Variants in SCYGR7 observed in about 807,000 individuals in gnomAD.
SCYGR7 encodes small cysteine and glycine repeat containing 7.
exon 1 of SCYGR7, chr2:227,728,610 G>A (rs1180513388): frequency 7.5e-6 from 3 of 399,052 alleles, no homozygotes; most frequent in Non-Finnish European, 1.3e-5. Flanking sequence ...GCTGCCAGAA[G>A]CAATGCTGCT....
exon 1 of SCYGR7, chr2:227,728,355 A>T: frequency 9.9e-6 from 4 of 403,052 alleles, no homozygotes; most frequent in Non-Finnish European, 1.7e-5. Context: ...GTGGTTGTGG[A>T]AGTTGTGGTG....
chr2:227,728,509 T>C (rs964301523), exon 1 of SCYGR7: 3 of 399,308 alleles, frequency 7.5e-6, no homozygotes, highest in Non-Finnish European at 1.3e-5. Context: ...CTGTGGGGGC[T>C]GCTGCAGCAC....
At position 227,728,380 on chromosome 2, in the gene SCYGR7, TGTGGTGGCTGCG is replaced by T. The variant is rs532364109; in HGVS notation, c.81_92del (p.Gly29_Gly32del). The T allele has an allele frequency of 3.4e-3, 1,389 of 403,098 alleles. 4 individuals carry two copies. Among genetic ancestry groups the T allele is most frequent in the Admixed American group, 5.2e-3 (118 of 22,590 alleles). 25.0% of individuals were successfully genotyped at this position (403,098 alleles called of 1,614,324 possible). A position where few individuals can be genotyped will look rare whatever the true frequency, so the allele number is the denominator to read the frequency against. On this transcript the variant is annotated inframe_deletion, in exon 1 of 1. Transcript: ENST00000641700. ...AAGTTGTGGTGGCTGCGGTGGTGGC[TGTGGTGGCTGCG>T]GTGGTGGCTGCGGTGGTGGCTGCGG...
At chr2:227,728,543 G>A (rs909917503) in exon 1 of SCYGR7, 9 of 398,998 alleles carry the variant, frequency 2.3e-5, no homozygotes, top group South Asian at 2.5e-4. Flanking sequence ...TGCTGCCGCC[G>A]CACCTGCGGC....
exon 1 of SCYGR7, chr2:227,728,401 TGCG>T (rs1336871815): frequency 2.0e-4 from 79 of 405,108 alleles, no homozygotes; most frequent in East Asian, 1.5e-3. Context: ...CGGTGGTGGC[TGCG>T]GTGGTGGCTG....
chr2:227,728,415 C>CTGCGGGGGTGGCTGCGGTGGCGGCTGT, exon 1 of SCYGR7: 1 of 398,622 alleles, frequency 2.5e-6, no homozygotes, highest in East Asian at 3.6e-5. Flanking sequence ...GTGGTGGCTG[C>CTGCGGGGGTGGCTGCGGTGGCGGCTGT]GGTGGTGGCT....
rs187304164 is a variant in SCYGR7 at position 227,728,527 on chromosome 2, A to G, written c.193A>G (p.Ile65Val). The change falls in exon 1 of 1, where the codon ATC becomes GTC. Residue 65 changes from isoleucine (I) to valine (V), a missense_variant. Coordinates refer to ENST00000641700, the Ensembl canonical transcript of SCYGR7. ...TGGGGGCTGCTGCAGCACACCTGTGATCTGCTGCTGCCGCCGCACCTGCGG... is the reference window on the plus strand; with the variant it reads ...TGGGGGCTGCTGCAGCACACCTGTGGTCTGCTGCTGCCGCCGCACCTGCGG... 2,773 of 399,312 alleles carry G rather than the reference A, an allele frequency of 6.9e-3. 22 individuals carry two copies. The highest frequency in any genetic ancestry group is 0.01 in the Non-Finnish European group (2,334 of 226,594). 24.7% of individuals were successfully genotyped at this position (399,312 alleles called of 1,614,324 possible). A position where few individuals can be genotyped will look rare whatever the true frequency, so the allele number is the denominator to read the frequency against.
Position 227,728,403 on chromosome 2 carries a change from C to A in SCYGR7, c.69C>A (p.Cys23Ter). Residue 23 changes from cysteine (C) to a stop codon, truncating the protein, a stop_gained, in exon 1 of 1, where the codon TGC (cysteine) becomes TGA (stop). Transcript: ENST00000641700. LOFTEE classifies it low-confidence loss of function (END_TRUNC). ...GCTGTGGTGGCTGCGGTGGTGGCTGCGGTGGTGGCTGCGGTGGTGGCTGTG... is the reference window on the plus strand; with the variant it reads ...GCTGTGGTGGCTGCGGTGGTGGCTGAGGTGGTGGCTGCGGTGGTGGCTGTG... The A allele has an allele frequency of 2.5e-6, 1 of 404,166 alleles. No individual in the cohort carries two copies. The highest frequency in any genetic ancestry group is 3.6e-5 in the East Asian group (1 of 28,128). The allele number at this position is 404,166 out of a possible 1,614,324, so 25.0% of individuals were successfully genotyped here.
At chr2:227,728,511 C>T (rs373706677) in exon 1 of SCYGR7, 297 of 399,334 alleles carry the variant, frequency 7.4e-4, no homozygotes, top group East Asian at 5.9e-3. Context: ...GTGGGGGCTG[C>T]TGCAGCACAC....
At chr2:227,728,419 G>A in exon 1 of SCYGR7, 2 of 403,420 alleles carry the variant, frequency 5.0e-6, no homozygotes, top group Non-Finnish European at 8.7e-6. Flanking sequence ...TGGCTGCGGT[G>A]GTGGCTGTGG....
chr2:227,728,398 GGCT>G, exon 1 of SCYGR7: 2 of 405,618 alleles, frequency 4.9e-6, no homozygotes, highest in Middle Eastern at 1.2e-3. Flanking sequence ...CTGCGGTGGT[GGCT>G]GCGGTGGTGG....
At chr2:227,728,591 A>G (rs1048169676) in exon 1 of SCYGR7, 4 of 399,064 alleles carry the variant, frequency 1.0e-5, no homozygotes, top group Non-Finnish European at 1.3e-5. Context: ...TGTTGCCAGC[A>G]GAAAGGCTGC....
rs565202449 is a variant in SCYGR7, at chr2:227,728,565, C to A, written c.231C>A (p.Cys77Ter). The A allele has an allele frequency of 9.0e-5, 36 of 398,942 alleles. No individual in the cohort carries two copies. Among genetic ancestry groups the A allele is most frequent in the Admixed American group, 4.8e-4 (11 of 22,732 alleles). The allele number at this position is 398,942 out of a possible 1,614,324, so 24.7% of individuals were successfully genotyped here. The change falls in exon 1 of 1, where the codon TGC becomes TGA. Residue 77 changes from cysteine to a stop codon, truncating the protein, a stop_gained. Coordinates refer to ENST00000641700, the Ensembl canonical transcript of SCYGR7. LOFTEE classifies it high-confidence loss of function. ...GCCGCACCTGCGGCTCATGTGGCTG[C>A]GGCTGTGGGAAGGGCTGTTGCCAGC...
At position 227,728,391 on chromosome 2, in the gene SCYGR7, C is replaced by A. The variant is rs191690387; in HGVS notation, c.57C>A (p.Cys19Ter). 1.2e-5 allele frequency: 5 copies of A among 402,146 alleles called. No individual in the cohort carries two copies. The highest frequency in any genetic ancestry group is 1.2e-4 in the South Asian group (1 of 8,328). 24.9% of individuals were successfully genotyped at this position (402,146 alleles called of 1,614,324 possible). A position where few individuals can be genotyped will look rare whatever the true frequency, so the allele number is the denominator to read the frequency against. ...GCTGCGGTGGTGGCTGTGGTGGCTGCGGTGGTGGCTGCGGTGGTGGCTGCG... is the reference window on the plus strand; with the variant it reads ...GCTGCGGTGGTGGCTGTGGTGGCTGAGGTGGTGGCTGCGGTGGTGGCTGCG... Residue 19 changes from cysteine (C) to a stop codon, truncating the protein, a stop_gained, in exon 1 of 1, where the codon TGC becomes TGA. Coordinates refer to ENST00000641700, the Ensembl canonical transcript of SCYGR7. LOFTEE classifies it low-confidence loss of function (END_TRUNC).
chr2:227,728,371 G>A (rs936911050), exon 1 of SCYGR7: 11 of 404,490 alleles, frequency 2.7e-5, no homozygotes, highest in Non-Finnish European at 3.9e-5. Context: ...TGGTGGCTGC[G>A]GTGGTGGCTG....
At chr2:227,728,579 G>A in exon 1 of SCYGR7, 1 of 399,250 alleles carries the variant, frequency 2.5e-6, no homozygotes, top group East Asian at 3.6e-5. Context: ...TGTGGGAAGG[G>A]CTGTTGCCAG....
chr2:227,728,550 C>A lies in SCYGR7; in HGVS notation c.216C>A (p.Cys72Ter), dbSNP rs781610563. The A allele has an allele frequency of 1.0e-5, 4 of 398,968 alleles. No individual in the cohort carries two copies. The highest frequency in any genetic ancestry group is 1.8e-5 in the Non-Finnish European group (4 of 226,392). The allele number at this position is 398,968 out of a possible 1,614,324, so 24.7% of individuals were successfully genotyped here. A position where few individuals can be genotyped will look rare whatever the true frequency, so the allele number is the denominator to read the frequency against. ...TGATCTGCTGCTGCCGCCGCACCTG[C>A]GGCTCATGTGGCTGCGGCTGTGGGA... The change falls in exon 1 of 1, where the codon TGC becomes TGA. Residue 72 changes from cysteine (C) to a stop codon, truncating the protein, a stop_gained. Coordinates refer to ENST00000641700, the Ensembl canonical transcript of SCYGR7. LOFTEE classifies it high-confidence loss of function.
chr2:227,728,455 C>T (rs892223901), exon 1 of SCYGR7: 11 of 399,638 alleles, frequency 2.8e-5, no homozygotes, highest in East Asian at 7.2e-5. Flanking sequence ...CAGGTGCTAC[C>T]GGGTGGGCTG....
exon 1 of SCYGR7, chr2:227,728,551 G>A (rs191345427): frequency 1.2e-4 from 47 of 398,704 alleles, no homozygotes; most frequent in East Asian, 1.4e-4. Flanking sequence ...CCGCACCTGC[G>A]GCTCATGTGG....
Sources: gnomAD v4.1 joint callset for allele counts on GRCh38, gnomAD v4.1.1 for gene constraint, MANE v1.5 for transcripts, NCBI Gene and HGNC (gene_info 2026-07-23, HGNC 2026-07-21) for gene names.